NALF1: variants seen among roughly 807,000 people sequenced by gnomAD.
NALF1 encodes the protein NALCN channel auxiliary factor 1.
Under a neutral mutation model 48.4 loss-of-function variants are expected in NALF1, and 3 were observed. That is an observed-to-expected ratio of 0.06 (90% confidence interval 0.03 to 0.16). NALF1 has a LOEUF of 0.16. NALF1 is among the 10% of genes least tolerant of loss of function. The pLI, the probability that NALF1 is intolerant of heterozygous loss-of-function variation, is 1.00. For synonymous variants in NALF1, 262 were observed against 245.7 expected, an observed-to-expected ratio of 1.07 and a Z score of -0.62; for missense variants, 526 against 571.5, an observed-to-expected ratio of 0.92 and a Z score of 0.81.
intron 1 of NALF1, among the ~76,000 whole-genome samples, chr13:107,775,219 C>A (rs1877694262): frequency 8.2e-6 from 1 of 122,014 alleles, no homozygotes; most frequent in African/African-American, 3.1e-5. Flanking sequence ...CCCCACCCCA[C>A]AACAGTCCCC....
At chr13:107,498,493 A>G (rs999595125) in intron 1 of NALF1, among the ~76,000 whole-genome samples, 1 of 152,178 alleles carries the variant, frequency 6.6e-6, no homozygotes, top group East Asian at 1.9e-4. Flanking sequence ...AGGTTAAGCA[A>G]GTTTTGGGCA....
At chr13:107,447,604 C>T (rs1884671803) in intron 1 of NALF1, among the ~76,000 whole-genome samples, 1 of 152,056 alleles carries the variant, frequency 6.6e-6, no homozygotes, top group Non-Finnish European at 1.5e-5. Flanking sequence ...TCTTTCAGGG[C>T]ACTGTCATTA....
At chr13:107,617,483 G>T (rs766940329) in intron 1 of NALF1, among the ~76,000 whole-genome samples, 22 of 152,164 alleles carry the variant, frequency 1.4e-4, no homozygotes, top group Admixed American at 2.0e-4. Flanking sequence ...GCTTATTGAA[G>T]ATTTTGATCC....
chr13:107,800,009 G>GA (rs11458945), intron 1 of NALF1, among the ~76,000 whole-genome samples: 24,594 of 152,126 alleles, frequency 0.16, 2,151 homozygotes, highest in Middle Eastern at 0.26. Context: ...AGAAAAGGAA[G>GA]AAAGGGCGGA....
chr13:107,668,181 A>AC (rs2138483204), intron 1 of NALF1, among the ~76,000 whole-genome samples: 1 of 152,268 alleles, frequency 6.6e-6, no homozygotes, highest in Non-Finnish European at 1.5e-5. Flanking sequence ...ACCAAATAAA[A>AC]TAAAAACAAA....
At chr13:107,182,255 T>TGTGTGTGTGTGTGTGTGTCC (rs1879081441) in intron 2 of NALF1, among the ~76,000 whole-genome samples, 12 of 132,488 alleles carry the variant, frequency 9.1e-5, no homozygotes, top group African/African-American at 3.5e-4. Flanking sequence ...TGTGTGTCCG[T>TGTGTGTGTGTGTGTGTGTCC]GTGTGTGTGT....
intron 1 of NALF1, among the ~76,000 whole-genome samples, chr13:107,427,973 T>C (rs1432671867): frequency 6.6e-6 from 1 of 152,178 alleles, no homozygotes; most frequent in Non-Finnish European, 1.5e-5. Context: ...GAACCTTACT[T>C]AGGGAGAAAG....
rs967255019 is a variant in NALF1 at position 107,167,043 on chromosome 13, A to G, written c.*3454T>C. ...AAATGTAAATGCAATAAAGAATGACATTGAACTCTATGTTATTTGCCATTT... is the reference window on the plus strand; with the variant it reads ...AAATGTAAATGCAATAAAGAATGACGTTGAACTCTATGTTATTTGCCATTT... On this transcript the variant is annotated 3_prime_UTR_variant, in exon 3 of 3. Coordinates refer to ENST00000375915, the MANE Select transcript of NALF1 (RefSeq NM_001080396.3). The G allele has an allele frequency of 6.6e-6, 1 of 152,214 alleles. No homozygotes were observed. The highest frequency in any genetic ancestry group is 6.5e-5 in the Admixed American group (1 of 15,284). 9.4% of individuals were successfully genotyped at this position (152,214 alleles called of 1,614,324 possible). A position where few individuals can be genotyped will look rare whatever the true frequency, so the allele number is the denominator to read the frequency against.
intron 1 of NALF1, among the ~76,000 whole-genome samples, chr13:107,751,244 A>G (rs890746815): frequency 2.6e-5 from 4 of 152,226 alleles, no homozygotes; most frequent in East Asian, 1.9e-4. Flanking sequence ...ATGTGTTCCA[A>G]TGATATTTCA....
At chr13:107,203,033 T>C (rs950131242) in intron 2 of NALF1, among the ~76,000 whole-genome samples, 43 of 152,230 alleles carry the variant, frequency 2.8e-4, no homozygotes, top group African/African-American at 9.2e-4. Flanking sequence ...GATAATTTCA[T>C]TGTTCAAATT....
chr13:107,288,193 A>G (rs1483156568), intron 1 of NALF1, among the ~76,000 whole-genome samples: 1 of 150,472 alleles, frequency 6.6e-6, no homozygotes, highest in African/African-American at 2.4e-5. Flanking sequence ...TTTGTCTCTC[A>G]TTAAGAAATA....
intron 1 of NALF1, among the ~76,000 whole-genome samples, chr13:107,604,587 A>C (rs1879015177): frequency 6.6e-6 from 1 of 152,220 alleles, no homozygotes; most frequent in Admixed American, 6.5e-5. Context: ...CAAGTAAGAA[A>C]GTTATTCTCC....
At chr13:107,596,365 C>T (rs555104453) in intron 1 of NALF1, among the ~76,000 whole-genome samples, 3 of 152,260 alleles carry the variant, frequency 2.0e-5, no homozygotes, top group African/African-American at 4.8e-5. Context: ...TAAAGACACA[C>T]GCACACATAC....
At chr13:107,308,579 T>C (rs2138901119) in intron 1 of NALF1, among the ~76,000 whole-genome samples, 1 of 152,322 alleles carries the variant, frequency 6.6e-6, no homozygotes. Flanking sequence ...GCTAACCATA[T>C]GAAAAATTGC....
intron 1 of NALF1, among the ~76,000 whole-genome samples, chr13:107,821,114 G>GTT (rs1228915081): frequency 6.6e-6 from 1 of 151,996 alleles, no homozygotes; most frequent in Non-Finnish European, 1.5e-5. Context: ...AGGACTGAAA[G>GTT]TATTTCAGTG....
chr13:107,417,264 C>T (rs905376503), intron 1 of NALF1, among the ~76,000 whole-genome samples: 3 of 152,184 alleles, frequency 2.0e-5, no homozygotes, highest in Admixed American at 6.5e-5. Flanking sequence ...TCCTGGGTCC[C>T]TAACCATTGT....
intron 1 of NALF1, among the ~76,000 whole-genome samples, chr13:107,721,160 A>C (rs1875974720): frequency 6.6e-6 from 1 of 151,892 alleles, no homozygotes; most frequent in Non-Finnish European, 1.5e-5. Context: ...GTAATGAAAT[A>C]ATCATAACTC....
chr13:107,717,915 T>G (rs1045298996), intron 1 of NALF1, among the ~76,000 whole-genome samples: 2 of 152,180 alleles, frequency 1.3e-5, no homozygotes, highest in African/African-American at 2.4e-5. Context: ...AGCTCTTTCT[T>G]TTTTCAGATC....
intron 1 of NALF1, among the ~76,000 whole-genome samples, chr13:107,540,482 CTAAAG>C (rs1256641760): frequency 1.3e-5 from 2 of 151,916 alleles, no homozygotes; most frequent in Admixed American, 6.6e-5. Flanking sequence ...TCTTGATTTC[CTAAAG>C]TAAATATTTT....
Sources: gnomAD v4.1 joint callset for allele counts (sites outside exome capture counted in the v4.1 genomes callset) on GRCh38, gnomAD v4.1.1 for gene constraint, MANE v1.5 for transcripts, NCBI Gene and HGNC (gene_info 2026-07-23, HGNC 2026-07-21) for gene names.